FHOD3: variants seen among roughly 807,000 people sequenced by gnomAD.
The protein encoded by FHOD3 is FH1/FH2 domain-containing protein 3.
A neutral mutation model predicts 173.0 loss-of-function variants in FHOD3; 90 were observed. The observed-to-expected ratio is 0.52, with a 90% CI of 0.44 to 0.62. FHOD3 has a LOEUF of 0.62. FHOD3 is among the 20% of genes least tolerant of loss of function. The pLI is 0.00. For missense variants in FHOD3, 1,945 were observed against 2,034.7 expected (o/e 0.96, Z 0.85); for synonymous variants, 828 against 823.0 (o/e 1.01, Z -0.10).
chr18:36,743,904 C>T (rs2042027216), intron 22 of FHOD3, 128 bp from the exon 23 acceptor site: 1 of 1,015,818 alleles, frequency 9.8e-7, no homozygotes, highest in East Asian at 2.4e-5. Context: ...GAGCATGTGG[C>T]CCCAGGAGCT....
intron 3 of FHOD3, among the ~76,000 whole-genome samples, chr18:36,430,807 C>T (rs550227144): frequency 3.9e-5 from 6 of 152,030 alleles, no homozygotes; most frequent in East Asian, 1.9e-4. Flanking sequence ...TTGGACTAGA[C>T]GTTAGCGTGA....
intron 3 of FHOD3, among the ~76,000 whole-genome samples, chr18:36,379,884 A>T (rs988485189): frequency 6.6e-6 from 1 of 152,360 alleles, no homozygotes; most frequent in South Asian, 2.1e-4. Flanking sequence ...AGGAAACAAA[A>T]TGCTTTGTCT....
chr18:36,336,270 G>C (rs1382630842), intron 1 of FHOD3, among the ~76,000 whole-genome samples: 2 of 152,182 alleles, frequency 1.3e-5, no homozygotes, highest in African/African-American at 4.8e-5. Flanking sequence ...AACCTGAGTT[G>C]AGTCCTGTCA....
chr18:36,513,868 T>C (rs2055800378), intron 5 of FHOD3, among the ~76,000 whole-genome samples: 1 of 152,110 alleles, frequency 6.6e-6, no homozygotes, highest in Non-Finnish European at 1.5e-5. Context: ...CTCACTTTGC[T>C]GACCCATGGT....
intron 4 of FHOD3, among the ~76,000 whole-genome samples, chr18:36,503,756 A>G (rs530736637): frequency 1.3e-5 from 2 of 152,196 alleles, no homozygotes; most frequent in South Asian, 2.1e-4. Flanking sequence ...TGTTGGTTCC[A>G]TGTTGCCTTC....
At chr18:36,552,172 T>A (rs1158385476) in intron 5 of FHOD3, among the ~76,000 whole-genome samples, 1 of 152,216 alleles carries the variant, frequency 6.6e-6, no homozygotes, top group African/African-American at 2.4e-5. Context: ...TTTTATTTCA[T>A]TGAGCAGTGG....
chr18:36,342,682 T>C (rs922931071), intron 1 of FHOD3, among the ~76,000 whole-genome samples: 2 of 152,212 alleles, frequency 1.3e-5, no homozygotes, highest in Non-Finnish European at 2.9e-5. Flanking sequence ...AATTGTACTT[T>C]ATCAAAGTTA....
chr18:36,733,187 G>T (rs985412237), intron 20 of FHOD3, among the ~76,000 whole-genome samples: 1 of 152,180 alleles, frequency 6.6e-6, no homozygotes, highest in African/African-American at 2.4e-5. Flanking sequence ...AGGTAGAGAG[G>T]ATTAAGCTGC....
intron 5 of FHOD3, among the ~76,000 whole-genome samples, chr18:36,537,796 A>G (rs1451731968): frequency 2.6e-5 from 4 of 152,192 alleles, no homozygotes; most frequent in Non-Finnish European, 5.9e-5. Flanking sequence ...AATTAGAAAG[A>G]AAATCAGTAA....
At chr18:36,690,274 T>C (rs534552628) in intron 16 of FHOD3, among the ~76,000 whole-genome samples, 40 of 152,262 alleles carry the variant, frequency 2.6e-4, no homozygotes, top group Middle Eastern at 3.4e-3. Context: ...ACAAATGATA[T>C]AGGCAGAGGA....
Position 36,572,463 on chromosome 18 carries a change from C to T in FHOD3, c.512-3988C>T, listed in dbSNP as rs12967138. Among the ~76,000 whole-genome samples the T allele has an allele frequency of 1.9e-3, 288 of 151,926 alleles. 1 individual carries two copies. Among genetic ancestry groups the T allele is most frequent in the African/African-American group, 6.5e-3 (270 of 41,412 alleles). On this transcript the variant is annotated intron_variant, in intron 5 of 28. Coordinates refer to ENST00000590592, the MANE Select transcript of FHOD3 (RefSeq NM_001281740.3). ...CTCGTGTCTGGAGCGGTTTACAGGC[C>T]GGATTGCTTTAGTAGTAGTGGGTAG...
intron 27 of FHOD3, among the ~76,000 whole-genome samples, chr18:36,767,040 C>A (rs781441518): frequency 3.3e-5 from 5 of 152,146 alleles, no homozygotes; most frequent in Non-Finnish European, 7.4e-5. Flanking sequence ...GAGGCCCAGT[C>A]TAAAAGCTGT....
At position 36,718,608 on chromosome 18, in the gene FHOD3, C is replaced by T; in HGVS notation, c.3310C>T (p.Arg1104Ter). Reference sequence around the variant, plus strand: ...TTTTGACTGGCCATGTAAAAACAACCGACGCTGCAGAGAATTCCTGTGGTC... The same window carrying T: ...TTTTGACTGGCCATGTAAAAACAACTGACGCTGCAGAGAATTCCTGTGGTC... ...RPFDWPCKNN[R>*]RCREFLWSKL... Residue 1104 changes from arginine (R) to a stop codon, truncating the protein, a stop_gained, in exon 19 of 29, where the codon CGA (arginine) becomes TGA (stop). Transcript: ENST00000590592. LOFTEE classifies it high-confidence loss of function. 3 of 1,614,068 alleles carry T rather than the reference C, an allele frequency of 1.9e-6. No homozygotes were observed. The highest frequency in any genetic ancestry group is 1.7e-6 in the Non-Finnish European group (2 of 1,180,030).
At chr18:36,415,519 A>G (rs1277520569) in intron 3 of FHOD3, among the ~76,000 whole-genome samples, 2 of 152,208 alleles carry the variant, frequency 1.3e-5, no homozygotes, top group Non-Finnish European at 2.9e-5. Context: ...TAAAATTTAA[A>G]TTACATGATT....
intron 1 of FHOD3, among the ~76,000 whole-genome samples, chr18:36,342,702 G>A (rs1489393418): frequency 1.3e-5 from 2 of 152,178 alleles, no homozygotes; most frequent in Non-Finnish European, 2.9e-5. Context: ...AAAAACTTCT[G>A]TGCCTCAAAG....
At chr18:36,616,277 T>C (rs1211120916) in intron 9 of FHOD3, among the ~76,000 whole-genome samples, 1 of 152,200 alleles carries the variant, frequency 6.6e-6, no homozygotes, top group East Asian at 1.9e-4. Context: ...AGCCAGGGGC[T>C]CAGATGACCA....
intron 5 of FHOD3, among the ~76,000 whole-genome samples, chr18:36,519,763 G>C (rs567082575): frequency 6.6e-6 from 1 of 152,174 alleles, no homozygotes; most frequent in African/African-American, 2.4e-5. Flanking sequence ...CAGCATCCAC[G>C]ACCCTGAGCC....
intron 9 of FHOD3, among the ~76,000 whole-genome samples, chr18:36,616,416 A>G (rs1294413882): frequency 6.6e-6 from 1 of 152,124 alleles, no homozygotes; most frequent in African/African-American, 2.4e-5. Context: ...GAATCTAAAA[A>G]CTATCCTCTG....
intron 20 of FHOD3, among the ~76,000 whole-genome samples, chr18:36,734,376 C>T (rs1312045671): frequency 6.6e-6 from 1 of 152,142 alleles, no homozygotes; most frequent in Non-Finnish European, 1.5e-5. Context: ...CCAGTAACAC[C>T]TACCCTCCCC....
Sources: allele counts gnomAD v4.1 joint callset (sites outside exome capture counted in the v4.1 genomes callset), GRCh38; gene constraint gnomAD v4.1.1; transcripts MANE v1.5; gene names NCBI Gene and HGNC (gene_info 2026-07-23, HGNC 2026-07-21).